The following MBD5 variants were observed in gnomAD, a reference collection of about 807,000 sequenced individuals.
MBD5 encodes the protein methyl-CpG binding domain protein 5.
A neutral mutation model predicts 117.3 loss-of-function variants in MBD5; 13 were observed. That is an observed-to-expected ratio of 0.11 (90% CI 0.07 to 0.18). The LOEUF (loss-of-function observed/expected upper bound fraction) is 0.18. Among genes scored for constraint, MBD5 ranks in the 10% least tolerant of loss-of-function variants. The pLI is 1.00. For missense variants in MBD5, 1,879 were observed against 2,093.8 expected, an observed-to-expected ratio of 0.90 and a Z score of 2.00; for synonymous variants, 727 against 766.4, an observed-to-expected ratio of 0.95 and a Z score of 0.85.
chr2:148,253,900 C>T (rs1700523096), intron 3 of MBD5, among the ~76,000 whole-genome samples: 1 of 152,198 alleles, frequency 6.6e-6, no homozygotes, highest in Non-Finnish European at 1.5e-5. Context: ...GGGTTGTGCA[C>T]CTGCACTCCA....
chr2:148,290,109 C>A (rs753165703), intron 3 of MBD5, among the ~76,000 whole-genome samples: 1 of 149,918 alleles, frequency 6.7e-6, no homozygotes, highest in Non-Finnish European at 1.5e-5. Flanking sequence ...GTGCCCACCA[C>A]CACGCCCAGC....
chr2:148,457,501 T>C (rs1487844506), intron 4 of MBD5, among the ~76,000 whole-genome samples: 1 of 152,144 alleles, frequency 6.6e-6, no homozygotes, highest in Admixed American at 6.6e-5. Flanking sequence ...AGATAACTTT[T>C]ATAAGCATTC....
At chr2:148,394,503 G>A (rs1183971186) in intron 4 of MBD5, among the ~76,000 whole-genome samples, 1 of 140,190 alleles carries the variant, frequency 7.1e-6, no homozygotes, top group Non-Finnish European at 1.5e-5. Flanking sequence ...CTTAATCTCT[G>A]TGGTGTCTAC....
chr2:148,494,099 C>T (rs1048183628), intron 11 of MBD5, among the ~76,000 whole-genome samples: 5 of 152,198 alleles, frequency 3.3e-5, no homozygotes, highest in Admixed American at 6.5e-5. Context: ...CTCCTATCCT[C>T]TGCCCTTTAT....
intron 2 of MBD5, among the ~76,000 whole-genome samples, chr2:148,180,901 T>C (rs564135627): frequency 6.6e-6 from 1 of 152,342 alleles, no homozygotes; most frequent in African/African-American, 2.4e-5. Flanking sequence ...TGTACTGTTC[T>C]ATTTTGTTTA....
intron 3 of MBD5, among the ~76,000 whole-genome samples, chr2:148,321,319 A>T (rs79111211): frequency 1.3e-5 from 2 of 152,122 alleles, no homozygotes; most frequent in Non-Finnish European, 2.9e-5. Context: ...AAAAAAAAAA[A>T]TTGCCAAAAA....
chr2:148,162,237 G>A (rs1265434327), intron 1 of MBD5, among the ~76,000 whole-genome samples: 1 of 152,138 alleles, frequency 6.6e-6, no homozygotes, highest in African/African-American at 2.4e-5. Flanking sequence ...TTCAGTTGGC[G>A]CCTGTGATTG....
At chr2:148,417,610 A>C (rs1199857721) in intron 4 of MBD5, among the ~76,000 whole-genome samples, 2 of 152,174 alleles carry the variant, frequency 1.3e-5, no homozygotes, top group Non-Finnish European at 2.9e-5. Context: ...CCAAATCTAC[A>C]CCAACATCTA....
At chr2:148,502,304 T>C in intron 11 of MBD5, 132 bp from the exon 12 acceptor site, 2 of 767,800 alleles carry the variant, frequency 2.6e-6, no homozygotes, top group Non-Finnish European at 2.3e-6. Flanking sequence ...GACAGAAGAT[T>C]TGACAAGGTA....
intron 3 of MBD5, among the ~76,000 whole-genome samples, chr2:148,282,703 T>G (rs1701277286): frequency 6.6e-6 from 1 of 151,634 alleles, no homozygotes; most frequent in South Asian, 2.1e-4. Flanking sequence ...GTAAAATACA[T>G]GTAGCATAAT....
intron 3 of MBD5, among the ~76,000 whole-genome samples, chr2:148,256,788 G>A (rs1197563179): frequency 6.6e-6 from 1 of 152,238 alleles, no homozygotes; most frequent in Non-Finnish European, 1.5e-5. Flanking sequence ...GTCTAGGGGT[G>A]CCTCAGGCCC....
chr2:148,248,801 G>A (rs1700401753), intron 3 of MBD5, among the ~76,000 whole-genome samples: 1 of 152,000 alleles, frequency 6.6e-6, no homozygotes, highest in Non-Finnish European at 1.5e-5. Flanking sequence ...CTGACCAGTG[G>A]AACAAAATAG....
intron 1 of MBD5, among the ~76,000 whole-genome samples, chr2:148,042,289 T>C (rs1694381909): frequency 6.6e-6 from 1 of 152,226 alleles, no homozygotes; most frequent in Non-Finnish European, 1.5e-5. Context: ...CAATTTTTGC[T>C]ACCACTTATT....
chr2:148,476,119 G>A (rs141340595), intron 8 of MBD5, among the ~76,000 whole-genome samples: 119 of 152,248 alleles, frequency 7.8e-4, no homozygotes, highest in African/African-American at 2.7e-3. Context: ...ATGGGCACAG[G>A]TATAAGAGAG....
chr2:148,398,495 G>A (rs1461642062), intron 4 of MBD5, among the ~76,000 whole-genome samples: 6 of 152,028 alleles, frequency 3.9e-5, no homozygotes, highest in Non-Finnish European at 7.4e-5. Context: ...TTTTTGATGG[G>A]GTTGTTTGTT....
intron 3 of MBD5, among the ~76,000 whole-genome samples, chr2:148,240,230 A>C (rs1700184650): frequency 6.6e-6 from 1 of 152,130 alleles, no homozygotes; most frequent in Non-Finnish European, 1.5e-5. Context: ...GAACGCTTGG[A>C]CACAGGGTGG....
At chr2:148,450,137 C>A (rs912035167) in intron 4 of MBD5, among the ~76,000 whole-genome samples, 1 of 152,104 alleles carries the variant, frequency 6.6e-6, no homozygotes, top group Admixed American at 6.6e-5. Flanking sequence ...CTATATATGA[C>A]TAATAACAAT....
chr2:148,182,834 T>C (rs892096927), intron 2 of MBD5, among the ~76,000 whole-genome samples: 1 of 152,136 alleles, frequency 6.6e-6, no homozygotes, highest in South Asian at 2.1e-4. Flanking sequence ...GACATTCACA[T>C]TCACATTCAC....
chr2:148,389,432 A>C (rs1449974530), intron 4 of MBD5, among the ~76,000 whole-genome samples: 1 of 151,032 alleles, frequency 6.6e-6, no homozygotes, highest in Non-Finnish European at 1.5e-5. Context: ...GATTTATTTT[A>C]CTTTGGATAT....
Sources: gnomAD v4.1 joint callset for allele counts (sites outside exome capture counted in the v4.1 genomes callset) on GRCh38, gnomAD v4.1.1 for gene constraint, MANE v1.5 for transcripts, NCBI Gene and HGNC (gene_info 2026-07-23, HGNC 2026-07-21) for gene names.